Variants in FOXN3 observed in about 807,000 individuals in gnomAD.
FOXN3 encodes the protein forkhead box N3.
In FOXN3, 7 loss-of-function variants were observed where a neutral mutation model predicts 38.4. The observed-to-expected ratio is 0.18, with a 90% confidence interval of 0.10 to 0.34. The LOEUF (loss-of-function observed/expected upper bound fraction) is 0.34. Ranked by LOEUF, FOXN3 falls within the 10% of genes least tolerant of loss-of-function variation. FOXN3 has a pLI of 1.00. For missense variants in FOXN3, 456 were observed against 613.4 expected (o/e 0.74, Z 2.71); for synonymous variants, 230 against 242.2 (o/e 0.95, Z 0.47).
intron 1 of FOXN3, among the ~76,000 whole-genome samples, chr14:89,542,769 G>A (rs903689533): frequency 6.6e-6 from 1 of 152,180 alleles, no homozygotes. Context: ...TCCTGCCATC[G>A]ATGGGTTAAT....
chr14:89,464,722 G>A (rs1289089419), intron 1 of FOXN3, among the ~76,000 whole-genome samples: 1 of 151,916 alleles, frequency 6.6e-6, no homozygotes, highest in South Asian at 2.1e-4. Flanking sequence ...TTTTTGAGAC[G>A]GAGTCTTGCT....
At chr14:89,444,680 GTC>G (rs1159753947) in intron 1 of FOXN3, among the ~76,000 whole-genome samples, 1 of 152,192 alleles carries the variant, frequency 6.6e-6, no homozygotes, top group African/African-American at 2.4e-5. Context: ...CCCTTCCTAA[GTC>G]TCTATATTCC....
intron 3 of FOXN3, among the ~76,000 whole-genome samples, chr14:89,303,707 CAGAAA>C (rs1887291444): frequency 6.6e-6 from 1 of 152,092 alleles, no homozygotes; most frequent in African/African-American, 2.4e-5. Context: ...TGGTGATCTA[CAGAAA>C]AGAAAAGGAA....
chr14:89,322,248 T>C (rs969294603), intron 3 of FOXN3, among the ~76,000 whole-genome samples: 2 of 152,220 alleles, frequency 1.3e-5, no homozygotes, highest in South Asian at 4.1e-4. Context: ...TAAGATCTCG[T>C]AGTGCCAAAG....
intron 3 of FOXN3, among the ~76,000 whole-genome samples, chr14:89,337,648 T>TTTTTA (rs3057933): frequency 1.3e-5 from 2 of 151,464 alleles, no homozygotes. Flanking sequence ...TTTTTTTTTT[T>TTTTTA]GAGACGGAGT....
intron 1 of FOXN3, among the ~76,000 whole-genome samples, chr14:89,553,914 A>T (rs1266927517): frequency 6.6e-6 from 1 of 152,248 alleles, no homozygotes; most frequent in African/African-American, 2.4e-5. Flanking sequence ...CTAACAAACA[A>T]GAAGGCATAC....
intron 3 of FOXN3, among the ~76,000 whole-genome samples, chr14:89,297,611 C>T (rs941117259): frequency 4.0e-5 from 6 of 151,784 alleles, no homozygotes; most frequent in African/African-American, 7.3e-5. Context: ...CTAACAGTTC[C>T]GATTCTGGAT....
intron 4 of FOXN3, among the ~76,000 whole-genome samples, chr14:89,212,103 T>C (rs903674793): frequency 2.0e-5 from 3 of 152,206 alleles, no homozygotes; most frequent in African/African-American, 7.2e-5. Flanking sequence ...CCAGAAACCA[T>C]ACCCTGCTGG....
intron 2 of FOXN3, among the ~76,000 whole-genome samples, chr14:89,402,537 T>C (rs1891277091): frequency 6.6e-6 from 1 of 152,224 alleles, no homozygotes; most frequent in Admixed American, 6.5e-5. Context: ...AAGAGTCCAT[T>C]TCCCAGGCTT....
chr14:89,483,572 C>T (rs369715981), intron 1 of FOXN3, among the ~76,000 whole-genome samples: 1 of 152,176 alleles, frequency 6.6e-6, no homozygotes, highest in Non-Finnish European at 1.5e-5. Context: ...TCACACCCAG[C>T]TAATTTTTGT....
At chr14:89,380,580 G>A (rs551268394) in intron 2 of FOXN3, among the ~76,000 whole-genome samples, 9 of 152,294 alleles carry the variant, frequency 5.9e-5, no homozygotes, top group Non-Finnish European at 8.8e-5. Context: ...CCGTCTGTGC[G>A]CCCAGCATGA....
At chr14:89,608,559 G>A (rs1896326471) in intron 1 of FOXN3, among the ~76,000 whole-genome samples, 1 of 152,206 alleles carries the variant, frequency 6.6e-6, no homozygotes, top group African/African-American at 2.4e-5. Context: ...ACTAGACTAT[G>A]TGTTATAAAA....
At chr14:89,349,290 G>A (rs1156634139) in intron 3 of FOXN3, among the ~76,000 whole-genome samples, 2 of 152,106 alleles carry the variant, frequency 1.3e-5, no homozygotes, top group African/African-American at 4.8e-5. Context: ...GGGCTGCTTT[G>A]GAAAATCCCA....
chr14:89,176,274 G>T (rs1887516031), intron 5 of FOXN3, among the ~76,000 whole-genome samples: 1 of 152,174 alleles, frequency 6.6e-6, no homozygotes, highest in African/African-American at 2.4e-5. Flanking sequence ...GCTGTGTAAT[G>T]ATCAGCTAAT....
At chr14:89,554,381 C>T (rs753383066) in intron 1 of FOXN3, among the ~76,000 whole-genome samples, 33 of 152,170 alleles carry the variant, frequency 2.2e-4, no homozygotes, top group Non-Finnish European at 3.8e-4. Context: ...AAGCAATCCT[C>T]CGCCTAGGTC....
At chr14:89,368,453 G>A (rs1479340480) in intron 2 of FOXN3, among the ~76,000 whole-genome samples, 1 of 151,856 alleles carries the variant, frequency 6.6e-6, no homozygotes, top group Non-Finnish European at 1.5e-5. Context: ...GACCAGCCTG[G>A]GCAACATAGT....
At chr14:89,529,335 C>T (rs561583724) in intron 1 of FOXN3, among the ~76,000 whole-genome samples, 154 of 152,310 alleles carry the variant, frequency 1.0e-3, no homozygotes, top group African/African-American at 3.7e-3. Flanking sequence ...GTTTGCTCCA[C>T]GGCATTCCTG....
intron 2 of FOXN3, among the ~76,000 whole-genome samples, chr14:89,394,212 C>CTTTTTTTT (rs35674375): frequency 2.7e-5 from 3 of 109,614 alleles, no homozygotes; most frequent in Non-Finnish European, 5.4e-5. Context: ...GATCGACGTT[C>CTTTTTTTT]TTTTTTTTTT....
chr14:89,291,769 G>A (rs941105226), intron 3 of FOXN3, among the ~76,000 whole-genome samples: 1 of 152,168 alleles, frequency 6.6e-6, no homozygotes, highest in Non-Finnish European at 1.5e-5. Context: ...TGCGAACTGC[G>A]ATTGACCTAC....
Sources: allele counts gnomAD v4.1 joint callset (sites outside exome capture counted in the v4.1 genomes callset), GRCh38; gene constraint gnomAD v4.1.1; transcripts MANE v1.5; gene names NCBI Gene and HGNC (gene_info 2026-07-23, HGNC 2026-07-21).